The following DOCK2 variants were observed in gnomAD, a reference collection of about 807,000 sequenced individuals.
DOCK2 encodes dedicator of cytokinesis 2, also known as dedicator of cytokinesis protein 2.
A neutral mutation model predicts 248.9 loss-of-function variants in DOCK2; 87 were observed. The ratio of observed to expected loss-of-function variants is 0.35; its 90% CI spans 0.29 to 0.42. The LOEUF (loss-of-function observed/expected upper bound fraction) is 0.42. Among genes scored for constraint, DOCK2 ranks in the 10% least tolerant of loss-of-function variants. The pLI is 1.00. For synonymous variants in DOCK2, 805 were observed against 821.6 expected (o/e 0.98, Z 0.35); for missense variants, 1,747 against 2,300.2 (o/e 0.76, Z 4.92).
chr5:169,990,864 C>T (rs1021396514), intron 29 of DOCK2, among the ~76,000 whole-genome samples: 18 of 152,216 alleles, frequency 1.2e-4, no homozygotes, highest in Admixed American at 7.2e-4. Context: ...GCATGGTCCA[C>T]GCTGTGTTGT....
intron 22 of DOCK2, among the ~76,000 whole-genome samples, chr5:169,740,466 A>C (rs866569706): frequency 5.3e-5 from 8 of 152,202 alleles, no homozygotes; most frequent in Non-Finnish European, 1.0e-4. Context: ...TTACAGGAAG[A>C]TGTTAGTGAA....
chr5:170,023,503 G>C (rs1184341674), intron 33 of DOCK2, among the ~76,000 whole-genome samples: 2 of 152,100 alleles, frequency 1.3e-5, no homozygotes, highest in Non-Finnish European at 2.9e-5. Context: ...GAATCAATGT[G>C]GGTAAGTTAT....
rs140573163 is a variant in DOCK2, at chr5:169,781,160, C to T, written c.2554+19535C>T. 1.4e-4 allele frequency among the ~76,000 whole-genome samples: 22 copies of T among 152,274 alleles called. No individual in the cohort carries two copies. The East Asian group carries it at 2.7e-3, about 19-fold the overall frequency. ...GGCCATGTGGACATGCTAAATGAAC[C>T]TGATGCACATGTCTTTGGAATGTGG... is the stretch of plus-strand genomic sequence containing the variant. On this transcript the variant is annotated intron_variant, in intron 25 of 51. Coordinates refer to ENST00000520908, the MANE Select transcript of DOCK2 (RefSeq NM_004946.3).
intron 33 of DOCK2, among the ~76,000 whole-genome samples, chr5:170,026,004 C>T (rs765474308): frequency 5.9e-5 from 9 of 152,044 alleles, no homozygotes; most frequent in Non-Finnish European, 1.3e-4. Context: ...ACAGTCCTAC[C>T]CATTTTTCCA....
At chr5:169,727,762 T>G (rs1286326520) in intron 22 of DOCK2, among the ~76,000 whole-genome samples, 1 of 152,234 alleles carries the variant, frequency 6.6e-6, no homozygotes, top group East Asian at 1.9e-4. Context: ...AAGCATCTAT[T>G]GAGTTTTGTG....
chr5:170,042,203 A>G, intron 38 of DOCK2, 71 bp downstream of exon 38: 1 of 1,481,942 alleles, frequency 6.7e-7, no homozygotes, highest in Non-Finnish European at 9.1e-7. Flanking sequence ...CATACCTTAC[A>G]TCCAATCCAT....
intron 22 of DOCK2, among the ~76,000 whole-genome samples, chr5:169,745,181 C>T (rs1305800229): frequency 3.9e-5 from 6 of 152,162 alleles, no homozygotes; most frequent in Non-Finnish European, 8.8e-5. Flanking sequence ...AGTGTGATCT[C>T]ATGGGGAGGC....
chr5:170,011,620 A>G (rs895568614), intron 32 of DOCK2, among the ~76,000 whole-genome samples: 1 of 152,194 alleles, frequency 6.6e-6, no homozygotes, highest in Admixed American at 6.6e-5. Flanking sequence ...TAGGATTGCA[A>G]TGTGCTCAAT....
intron 9 of DOCK2, 59 bp from the exon 10 acceptor site, chr5:169,695,744 T>A: frequency 6.2e-7 from 1 of 1,603,038 alleles, no homozygotes. Flanking sequence ...GGTTTTCTTG[T>A]CTACCTTTTT....
chr5:169,908,021 C>A (rs1180088397), intron 27 of DOCK2, among the ~76,000 whole-genome samples: 3 of 152,200 alleles, frequency 2.0e-5, no homozygotes, highest in Admixed American at 6.5e-5. Flanking sequence ...CTTGCTCTGC[C>A]TTCATCTAGA....
chr5:169,733,145 C>T (rs1762867362), intron 22 of DOCK2, among the ~76,000 whole-genome samples: 1 of 152,082 alleles, frequency 6.6e-6, no homozygotes, highest in Non-Finnish European at 1.5e-5. Flanking sequence ...TGTCCTTTTT[C>T]TCCCTTTCTT....
At chr5:170,036,166 T>A (rs933992868) in intron 35 of DOCK2, among the ~76,000 whole-genome samples, 1 of 152,036 alleles carries the variant, frequency 6.6e-6, no homozygotes, top group African/African-American at 2.4e-5. Context: ...CAAGCTGGGC[T>A]GCCTTTCAAT....
chr5:170,052,276 G>A (rs1488077856), intron 41 of DOCK2, among the ~76,000 whole-genome samples: 1 of 152,194 alleles, frequency 6.6e-6, no homozygotes, highest in Non-Finnish European at 1.5e-5. Context: ...AATGCAACTG[G>A]TGGTGGGCTG....
At chr5:169,744,601 T>C (rs548578583) in intron 22 of DOCK2, among the ~76,000 whole-genome samples, 1 of 126,544 alleles carries the variant, frequency 7.9e-6, no homozygotes, top group East Asian at 2.2e-4. Flanking sequence ...GTGCAGCTCA[T>C]AAAATCAAAA....
Position 169,742,119 on chromosome 5 carries a change from T to C in DOCK2, c.2268-5277T>C, listed in dbSNP as rs549239548. ...GTGTGAGCCACTGCGCCCAGCCCTT[T>C]TACTCATTTTTATCTGCAGTGTGGT... On this transcript the variant is annotated intron_variant, in intron 22 of 51. Transcript: ENST00000520908. 2.0e-5 allele frequency among the ~76,000 whole-genome samples: 3 copies of C among 152,270 alleles called. No homozygotes were observed. The South Asian group carries it at 6.2e-4, about 32-fold the overall frequency.
chr5:169,978,797 C>G (rs534275951), intron 27 of DOCK2, among the ~76,000 whole-genome samples: 1 of 152,260 alleles, frequency 6.6e-6, no homozygotes, highest in African/African-American at 2.4e-5. Flanking sequence ...GTTAAGTAGT[C>G]CCTCATCAGC....
At chr5:169,937,062 G>A (rs1334433433) in intron 27 of DOCK2, among the ~76,000 whole-genome samples, 3 of 152,166 alleles carry the variant, frequency 2.0e-5, no homozygotes, top group Non-Finnish European at 2.9e-5. Context: ...CCAGTTTCTG[G>A]GCAGAGTAAT....
intron 25 of DOCK2, among the ~76,000 whole-genome samples, chr5:169,795,578 G>A (rs1766599277): frequency 6.6e-6 from 1 of 152,224 alleles, no homozygotes; most frequent in Non-Finnish European, 1.5e-5. Flanking sequence ...TATGAAATTT[G>A]TGGGTAGTTA....
rs552190891 is a variant in DOCK2 at position 169,650,116 on chromosome 5, G to A, written c.44-4287G>A. On this transcript the variant is annotated intron_variant, in intron 1 of 51. Transcript: ENST00000520908. ...CCTGGCAGTGCTGGGGATTTTGTCT[G>A]TCTTATCTATCACTGTGACTATAGT... Among the ~76,000 whole-genome samples, 215 of 152,262 alleles carry A rather than the reference G, an allele frequency of 1.4e-3. 1 individual carries two copies. The highest frequency in any genetic ancestry group is 4.9e-3 in the African/African-American group (205 of 41,554).
Sources: allele counts gnomAD v4.1 joint callset (sites outside exome capture counted in the v4.1 genomes callset), GRCh38; gene constraint gnomAD v4.1.1; transcripts MANE v1.5; gene names NCBI Gene and HGNC (gene_info 2026-07-23, HGNC 2026-07-21).